The following COL6A6 variants were observed in gnomAD, a reference collection of about 807,000 sequenced individuals.
COL6A6 encodes the protein collagen alpha-6(VI) chain.
In COL6A6, 183 loss-of-function variants were observed where a neutral mutation model predicts 208.6. The ratio of observed to expected loss-of-function variants is 0.88; its 90% confidence interval spans 0.78 to 0.99. COL6A6 has a LOEUF of 0.99. Ranked by LOEUF, COL6A6 falls within the 50% of genes least tolerant of loss-of-function variation. The probability of loss-of-function intolerance (pLI) is 0.00; values close to 1 mark genes in which losing one functional copy is unlikely to be tolerated. For missense variants in COL6A6, 2,816 were observed against 2,815.2 expected (o/e 1.00, Z -0.01); for synonymous variants, 973 against 1,011.8 (o/e 0.96, Z 0.73).
chr3:130,627,764 G>A (rs769549694), intron 26 of COL6A6, among the ~76,000 whole-genome samples: 13 of 152,124 alleles, frequency 8.5e-5, no homozygotes, highest in East Asian at 3.9e-4. Flanking sequence ...TTTTCTAAAT[G>A]TACTGGCCCA....
Position 130,567,141 on chromosome 3 carries a change from G to A in COL6A6, c.1722G>A (p.Glu574=). The change falls in exon 5 of 37, where the codon GAG becomes GAA. Residue 574 remains glutamate, a synonymous_variant. Transcript: ENST00000358511. The part of the protein sequence containing the change: ...HIRVYAIGIK[E]ANQTQLREIA... Reference sequence around the variant, plus strand: ...GAGTTTATGCTATCGGGATCAAGGAGGCCAACCAAACACAGCTGAGAGAAA... The same window carrying A: ...GAGTTTATGCTATCGGGATCAAGGAAGCCAACCAAACACAGCTGAGAGAAA... The A allele has an allele frequency of 6.2e-7, 1 of 1,613,932 alleles. No individual in the cohort carries two copies. The highest frequency in any genetic ancestry group is 8.5e-7 in the Non-Finnish European group (1 of 1,179,880).
rs191089590 is a variant in COL6A6 at position 130,610,503 on chromosome 3, G to T, written c.4753-146G>T. Reference sequence around the variant, plus strand: ...GCACAAATGAGAATGAGCTCCACAGGCCAGGATGGAAGGAAAGGCATGATT... The same window carrying T: ...GCACAAATGAGAATGAGCTCCACAGTCCAGGATGGAAGGAAAGGCATGATT... On this transcript the variant is annotated intron_variant, in intron 22 of 36. Coordinates refer to ENST00000358511, the MANE Select transcript of COL6A6 (RefSeq NM_001102608.3). 4 of 668,344 alleles carry T rather than the reference G, an allele frequency of 6.0e-6. No homozygotes were observed. The East Asian group carries it at 1.1e-4, about 19-fold the overall frequency. 41.4% of individuals were successfully genotyped at this position (668,344 alleles called of 1,614,324 possible).
intron 28 of COL6A6, 75 bp downstream of exon 28, chr3:130,635,836 T>A: frequency 5.3e-6 from 6 of 1,139,046 alleles, no homozygotes; most frequent in Non-Finnish European, 6.4e-6. Flanking sequence ...TACAATAATT[T>A]GAGTTGTCTT....
chr3:130,592,193 G>A (rs915319021), intron 13 of COL6A6, among the ~76,000 whole-genome samples: 2 of 3,800 alleles, frequency 5.3e-4, no homozygotes, highest in African/African-American at 3.3e-3. Flanking sequence ...ATGATAAGGT[G>A]AAGGTTTATA....
At chr3:130,616,256 A>G (rs927659764) in intron 23 of COL6A6, among the ~76,000 whole-genome samples, 1 of 152,158 alleles carries the variant, frequency 6.6e-6, no homozygotes, top group African/African-American at 2.4e-5. Flanking sequence ...CAGCCACTGG[A>G]ATAGAATAAC....
intron 36 of COL6A6, among the ~76,000 whole-genome samples, chr3:130,665,749 C>A (rs2066059349): frequency 6.6e-6 from 1 of 152,158 alleles, no homozygotes; most frequent in Non-Finnish European, 1.5e-5. Context: ...TAGAAAATCA[C>A]CAGTTTGTGG....
At chr3:130,542,443 T>C (rs751555645) in intron 1 of COL6A6, among the ~76,000 whole-genome samples, 42 of 152,174 alleles carry the variant, frequency 2.8e-4, no homozygotes, top group Non-Finnish European at 5.6e-4. Flanking sequence ...TGGCTCAGAA[T>C]GTGGTCTATC....
intron 35 of COL6A6, among the ~76,000 whole-genome samples, chr3:130,664,274 T>C (rs139822088): frequency 6.6e-6 from 1 of 152,322 alleles, no homozygotes; most frequent in African/African-American, 2.4e-5. Context: ...CACACAGTCT[T>C]AGGCCATTCA....
chr3:130,676,125 T>A lies in COL6A6; in HGVS notation c.*728T>A, dbSNP rs1238602934. ...GACTTCTAGTCTGTCTTTCCTGTTA[T>A]GGTCATTTATTAATTTTCACTAATC... is the stretch of plus-strand genomic sequence containing the variant. On this transcript the variant is annotated 3_prime_UTR_variant, in exon 37 of 37. Coordinates refer to ENST00000358511, the MANE Select transcript of COL6A6 (RefSeq NM_001102608.3). 6.6e-6 allele frequency: 1 copy of A among 152,222 alleles called. No homozygotes were observed. The highest frequency in any genetic ancestry group is 1.5e-5 in the Non-Finnish European group (1 of 68,036). The allele number at this position is 152,222 out of a possible 1,614,324, so 9.4% of individuals were successfully genotyped here. A position where few individuals can be genotyped will look rare whatever the true frequency, so the allele number is the denominator to read the frequency against.
At chr3:130,619,053 C>G (rs2064622581) in intron 23 of COL6A6, among the ~76,000 whole-genome samples, 1 of 152,160 alleles carries the variant, frequency 6.6e-6, no homozygotes, top group South Asian at 2.1e-4. Flanking sequence ...AGTAGTTCAT[C>G]CCTCTTGAGA....
intron 32 of COL6A6, chr3:130,646,282 G>A (rs1483633910): frequency 2.0e-5 from 3 of 152,248 alleles, no homozygotes; most frequent in Non-Finnish European, 4.4e-5. Context: ...GAACACAAAG[G>A]AGCTGTCTTT....
At chr3:130,656,028 C>T (rs551781524) in intron 33 of COL6A6, among the ~76,000 whole-genome samples, 1 of 152,320 alleles carries the variant, frequency 6.6e-6, no homozygotes, top group Admixed American at 6.5e-5. Context: ...CACTGGGGAA[C>T]ATGGTGGCAC....
At position 130,571,058 on chromosome 3, in the gene COL6A6, C is replaced by A. The variant is rs773090345; in HGVS notation, c.2642C>A (p.Ala881Asp). The A allele has an allele frequency of 6.2e-7, 1 of 1,613,860 alleles. No homozygotes were observed. The highest frequency in any genetic ancestry group is 8.5e-7 in the Non-Finnish European group (1 of 1,179,826). ...EVISVLQNDQAMGGSTYTAEA... is the reference protein window; with the variant it reads ...EVISVLQNDQDMGGSTYTAEA... ...ATTTCAGTGCTCCAGAATGACCAAG[C>A]CATGGGTGGCAGTACTTATACTGCT... The change falls in exon 7 of 37, where the codon GCC becomes GAC. Residue 881 changes from alanine to aspartate, a missense_variant. Physicochemically the swap from Ala to Asp is moderately radical, Grantham distance 126. Coordinates refer to ENST00000358511, the MANE Select transcript of COL6A6 (RefSeq NM_001102608.3).
At chr3:130,665,531 A>T (rs1212945640) in intron 36 of COL6A6, among the ~76,000 whole-genome samples, 2 of 152,250 alleles carry the variant, frequency 1.3e-5, no homozygotes, top group Non-Finnish European at 2.9e-5. Context: ...ATGTCTTTTC[A>T]AAAGGACAAA....
rs2064743805 is a variant in COL6A6 at position 130,622,205 on chromosome 3, C to CG, written c.4878+322_4878+323insG. Reference sequence around the variant, plus strand: ...CTCTTAATTTCCTCCCCCCGCCTACCCCCCCCTTTTTTTTTTTCCTTTCCT... The same window carrying CG: ...CTCTTAATTTCCTCCCCCCGCCTACCGCCCCCCTTTTTTTTTTTCCTTTCCT... On this transcript the variant is annotated intron_variant, in intron 24 of 36. Transcript: ENST00000358511. 3.5e-5 allele frequency among the ~76,000 whole-genome samples: 5 copies of CG among 141,174 alleles called. 1 individual carries two copies. Among genetic ancestry groups the CG allele is most frequent in the Admixed American group, 2.2e-4 (3 of 13,690 alleles). 92.6% of individuals were successfully genotyped at this position (141,174 alleles called of 152,430 possible). A position where few individuals can be genotyped will look rare whatever the true frequency, so the allele number is the denominator to read the frequency against.
intron 22 of COL6A6, among the ~76,000 whole-genome samples, chr3:130,610,063 A>G (rs565309011): frequency 6.6e-6 from 1 of 151,424 alleles, no homozygotes; most frequent in East Asian, 1.9e-4. Context: ...AGCAAGTAAT[A>G]CTATGGCATC....
rs1243198563 is a variant in COL6A6 at position 130,571,298 on chromosome 3, G to T, written c.2882G>T (p.Gly961Val). ...CCCGTGGAGCTGTTAGCCATGGCAG[G>T]ATCAAGCGACAAGTACTTCTTCGTG... is the stretch of plus-strand genomic sequence containing the variant. ...ANPVELLAMAGSSDKYFFVET... is the reference protein window; with the variant it reads ...ANPVELLAMAVSSDKYFFVET... The change falls in exon 7 of 37, where the codon GGA (glycine) becomes GTA (valine). Residue 961 changes from glycine (G) to valine (V), a missense_variant. Transcript: ENST00000358511. The T allele has an allele frequency of 6.2e-7, 1 of 1,613,990 alleles. No individual in the cohort carries two copies. The highest frequency in any genetic ancestry group is 2.2e-5 in the East Asian group (1 of 44,886).
chr3:130,574,548 A>G (rs2063250688), intron 8 of COL6A6, 23 bp downstream of exon 8: 1 of 1,582,666 alleles, frequency 6.3e-7, no homozygotes, highest in Non-Finnish European at 8.7e-7. Context: ...CAAGTTCTTC[A>G]TTCGATTCCC....
chr3:130,610,074 C>T (rs2064310409), intron 22 of COL6A6, among the ~76,000 whole-genome samples: 1 of 151,592 alleles, frequency 6.6e-6, no homozygotes, highest in African/African-American at 2.4e-5. Flanking sequence ...CTATGGCATC[C>T]CTTCTTCCAT....
Sources: allele counts gnomAD v4.1 joint callset (sites outside exome capture counted in the v4.1 genomes callset), GRCh38; gene constraint gnomAD v4.1.1; transcripts MANE v1.5; gene names NCBI Gene and HGNC (gene_info 2026-07-23, HGNC 2026-07-21).